Variants in LIPA observed in about 807,000 individuals in gnomAD.
The protein encoded by LIPA is lysosomal acid lipase/cholesteryl ester hydrolase.
LIPA carries 26 observed loss-of-function variants against 40.6 expected under a neutral mutation model. The ratio of observed to expected loss-of-function variants is 0.64; its 90% CI spans 0.47 to 0.89. The LOEUF (loss-of-function observed/expected upper bound fraction) is 0.89, where lower values mean the gene tolerates loss of function less well. Among genes scored for constraint, LIPA ranks in the 40% least tolerant of loss-of-function variants. The pLI is 0.00. For missense variants in LIPA, 455 were observed against 479.6 expected, an observed-to-expected ratio of 0.95 and a Z score of 0.48; for synonymous variants, 188 against 168.4, an observed-to-expected ratio of 1.12 and a Z score of -0.90.
chr10:89,368,317 G>A (rs945597385), intron 2 of LIPA, among the ~76,000 whole-genome samples: 2 of 152,212 alleles, frequency 1.3e-5, no homozygotes, highest in African/African-American at 4.8e-5. Flanking sequence ...TAATCCATAT[G>A]CACCACACCT....
At chr10:89,360,128 G>A (rs1844013531) in intron 2 of LIPA, among the ~76,000 whole-genome samples, 1 of 152,166 alleles carries the variant, frequency 6.6e-6, no homozygotes, top group African/African-American at 2.4e-5. Context: ...TAAAACATAT[G>A]AGAATGAACT....
At chr10:89,247,458 G>A (rs1285382128) in intron 2 of LIPA, 80 bp downstream of exon 2, 5 of 747,808 alleles carry the variant, frequency 6.7e-6, no homozygotes, top group Admixed American at 3.9e-5. Flanking sequence ...ATGAATGTAT[G>A]GGTATGGCTT....
intron 1 of LIPA, among the ~76,000 whole-genome samples, chr10:89,250,171 C>A (rs1033010750): frequency 7.0e-6 from 1 of 142,440 alleles, no homozygotes; most frequent in Non-Finnish European, 1.5e-5. Flanking sequence ...GAGATCTTGG[C>A]TCACTGCAAG....
At chr10:89,406,736 A>C (rs1461225068) in intron 2 of LIPA, among the ~76,000 whole-genome samples, 1 of 152,172 alleles carries the variant, frequency 6.6e-6, no homozygotes, top group Non-Finnish European at 1.5e-5. Flanking sequence ...AACTCTGGAC[A>C]CACCACCTTT....
chr10:89,379,126 GTTGT>G (rs891842335), intron 2 of LIPA, among the ~76,000 whole-genome samples: 10 of 152,180 alleles, frequency 6.6e-5, no homozygotes, highest in Non-Finnish European at 8.8e-5. Flanking sequence ...CTGTTTTTCT[GTTGT>G]TTGTTTGTTT....
At chr10:89,327,229 T>C (rs948089729) in intron 1 of LIPA, among the ~76,000 whole-genome samples, 2 of 152,106 alleles carry the variant, frequency 1.3e-5, no homozygotes, top group African/African-American at 4.8e-5. Context: ...AGAGAATAGG[T>C]TGTAAATGTT....
chr10:89,244,240 T>C (rs1222535948), intron 3 of LIPA, among the ~76,000 whole-genome samples: 3 of 151,884 alleles, frequency 2.0e-5, no homozygotes, highest in Non-Finnish European at 4.4e-5. Flanking sequence ...CTAGAACACA[T>C]GGAAGAAAAA....
chr10:89,257,871 T>G (rs1278719799), intron 1 of LIPA, among the ~76,000 whole-genome samples: 1 of 152,162 alleles, frequency 6.6e-6, no homozygotes, highest in Admixed American at 6.5e-5. Flanking sequence ...AGTCTTTAAC[T>G]AACAGTTTGC....
chr10:89,235,154 A>G (rs1426104243), intron 3 of LIPA, among the ~76,000 whole-genome samples: 1 of 152,230 alleles, frequency 6.6e-6, no homozygotes, highest in Non-Finnish European at 1.5e-5. Context: ...GGAGGGGGAT[A>G]GGGAATGAAA....
chr10:89,384,549 C>T, intron 2 of LIPA: 1 of 1,613,988 alleles, frequency 6.2e-7, no homozygotes, highest in Non-Finnish European at 8.5e-7. Flanking sequence ...AAAAAATGTC[C>T]CATTCCAGGG....
intron 2 of LIPA, among the ~76,000 whole-genome samples, chr10:89,353,495 G>A (rs1301262603): frequency 6.6e-6 from 1 of 152,086 alleles, no homozygotes; most frequent in Non-Finnish European, 1.5e-5. Flanking sequence ...CCAGAAGCAT[G>A]CCAACTTGCA....
intron 2 of LIPA, among the ~76,000 whole-genome samples, chr10:89,367,844 G>A (rs1844070373): frequency 6.6e-6 from 1 of 151,968 alleles, no homozygotes; most frequent in Admixed American, 6.6e-5. Flanking sequence ...CCAGAGACAG[G>A]GCCTCACTCT....
chr10:89,239,640 A>C (rs1219644242), intron 3 of LIPA, among the ~76,000 whole-genome samples: 1 of 152,212 alleles, frequency 6.6e-6, no homozygotes, highest in African/African-American at 2.4e-5. Flanking sequence ...TGTTTTCCCC[A>C]AAACCAGCAA....
intron 2 of LIPA, among the ~76,000 whole-genome samples, chr10:89,373,334 CAAAAAAAAAAAA>C (rs34479360): frequency 3.2e-5 from 2 of 63,164 alleles, no homozygotes; most frequent in Non-Finnish European, 6.2e-5. Flanking sequence ...GACTCCCTCT[CAAAAAAAAAAAA>C]AAAAAAAAAA....
intron 1 of LIPA, among the ~76,000 whole-genome samples, chr10:89,288,489 C>G (rs1843353438): frequency 6.6e-6 from 1 of 152,162 alleles, no homozygotes; most frequent in Admixed American, 6.5e-5. Flanking sequence ...TACACAAGAG[C>G]CAGGACTGCA....
At chr10:89,384,833 C>G in intron 2 of LIPA, 3 of 1,149,424 alleles carry the variant, frequency 2.6e-6, no homozygotes, top group Non-Finnish European at 3.7e-6. Context: ...GGAAATTTAC[C>G]TTATTTTGAG....
chr10:89,220,765 TC>T (rs1345362539), intron 8 of LIPA, among the ~76,000 whole-genome samples: 1 of 152,162 alleles, frequency 6.6e-6, no homozygotes, highest in African/African-American at 2.4e-5. Flanking sequence ...CTGTTAGAGT[TC>T]CTGGGGCAAC....
In LIPA at chr10:89,394,600, A is replaced by ATTT. The variant is rs1274310051; in HGVS notation, c.61+18190_61+18191insAAA. Among the ~76,000 whole-genome samples, 172 of 28,080 alleles carry ATTT rather than the reference A, an allele frequency of 6.1e-3. 3 individuals are homozygous for ATTT. The highest frequency in any genetic ancestry group is 0.044 in the African/African-American group (146 of 3,282). 18.4% of individuals were successfully genotyped at this position (28,080 alleles called of 152,430 possible). On this transcript the variant is annotated intron_variant, in intron 2 of 8. Transcript: ENST00000371837. Reference sequence around the variant, plus strand: ...AAAATATATATATATATATATATATATATATATATATATATATATATATAT... The same window carrying ATTT: ...AAAATATATATATATATATATATATATTTTATATATATATATATATATATATAT...
intron 2 of LIPA, among the ~76,000 whole-genome samples, chr10:89,357,183 G>A (rs1365011953): frequency 1.3e-5 from 2 of 152,196 alleles, no homozygotes; most frequent in African/African-American, 2.4e-5. Context: ...ACAGGAACCA[G>A]GGACAAAGGC....
Sources: allele counts gnomAD v4.1 joint callset (sites outside exome capture counted in the v4.1 genomes callset), GRCh38; gene constraint gnomAD v4.1.1; transcripts MANE v1.5; gene names NCBI Gene and HGNC (gene_info 2026-07-23, HGNC 2026-07-21).